Variants in BTBD9 observed in about 807,000 individuals in gnomAD.
BTBD9 encodes the protein BTB/POZ domain-containing protein 9.
In BTBD9, 49 loss-of-function variants were observed where a neutral mutation model predicts 64.3. The observed-to-expected ratio is 0.76, with a 90% CI of 0.61 to 0.97. BTBD9 has a LOEUF of 0.97. BTBD9 is among the 50% of genes least tolerant of loss of function. The probability of loss-of-function intolerance (pLI) is 0.00; values close to 1 mark genes in which losing one functional copy is unlikely to be tolerated. For missense variants in BTBD9, 598 were observed against 762.1 expected, an observed-to-expected ratio of 0.78 and a Z score of 2.53; for synonymous variants, 260 against 274.7, an observed-to-expected ratio of 0.95 and a Z score of 0.53.
At chr6:38,476,999 C>G (rs1456995117) in intron 6 of BTBD9, among the ~76,000 whole-genome samples, 5 of 152,186 alleles carry the variant, frequency 3.3e-5, no homozygotes, top group African/African-American at 9.7e-5. Flanking sequence ...GGGGCCCTGC[C>G]AGTGACATTC....
intron 9 of BTBD9, among the ~76,000 whole-genome samples, chr6:38,232,796 G>A (rs916440872): frequency 6.6e-6 from 1 of 152,012 alleles, no homozygotes; most frequent in Admixed American, 6.6e-5. Flanking sequence ...ACTGCGCCTG[G>A]CTGAGGCCTT....
chr6:38,416,619 C>T (rs1179003772), intron 6 of BTBD9, among the ~76,000 whole-genome samples: 4 of 150,878 alleles, frequency 2.7e-5, no homozygotes, highest in South Asian at 2.1e-4. Flanking sequence ...GCTGGGATTA[C>T]AGGCATGAGC....
chr6:38,230,508 A>G (rs1344433783), intron 9 of BTBD9, among the ~76,000 whole-genome samples: 2 of 151,460 alleles, frequency 1.3e-5, no homozygotes, highest in Admixed American at 6.6e-5. Flanking sequence ...AAAAAAAAAA[A>G]AAAAAAAAAA....
At chr6:38,456,295 G>A (rs1412237783) in intron 6 of BTBD9, among the ~76,000 whole-genome samples, 3 of 152,152 alleles carry the variant, frequency 2.0e-5, no homozygotes, top group African/African-American at 7.2e-5. Context: ...ACTTGTTTTT[G>A]TAAACTATTA....
chr6:38,237,277 C>T (rs2127521586), intron 9 of BTBD9, among the ~76,000 whole-genome samples: 1 of 152,226 alleles, frequency 6.6e-6, no homozygotes, highest in East Asian at 1.9e-4. Flanking sequence ...TTCTTTTCTC[C>T]CTAACTCCAC....
chr6:38,519,409 TG>T (rs1369638668), intron 6 of BTBD9, among the ~76,000 whole-genome samples: 1 of 152,214 alleles, frequency 6.6e-6, no homozygotes, highest in African/African-American at 2.4e-5. Flanking sequence ...CAATTTATTT[TG>T]AAGTGAATTT....
rs564760951 is a variant in BTBD9 at position 38,254,452 on chromosome 6, AAAC to A, written c.1562+1954_1562+1956del. 1.5e-3 allele frequency among the ~76,000 whole-genome samples: 229 copies of A among 150,824 alleles called. 1 individual carries two copies. The highest frequency in any genetic ancestry group is 5.2e-3 in the African/African-American group (213 of 40,680). ...ATATGGTGAGGTGCTGTCTCTACAA[AAAC>A]AAACAAACAAACAAACAAACAAAAA... On this transcript the variant is annotated intron_variant, in intron 9 of 10. Coordinates refer to ENST00000481247, the MANE Select transcript of BTBD9 (RefSeq NM_001099272.2).
intron 6 of BTBD9, among the ~76,000 whole-genome samples, chr6:38,531,455 A>G (rs545798665): frequency 6.6e-6 from 1 of 152,358 alleles, no homozygotes; most frequent in African/African-American, 2.4e-5. Flanking sequence ...AAGTTCTTCA[A>G]TCTGAAAGAA....
At position 38,580,202 on chromosome 6, in the gene BTBD9, C is replaced by A; in HGVS notation, c.1034+16G>T. 6.2e-7 allele frequency: 1 copy of A among 1,606,446 alleles called. No homozygotes were observed. Among genetic ancestry groups the A allele is most frequent in the South Asian group, 1.1e-5 (1 of 90,778 alleles). On this transcript the variant is annotated intron_variant, in intron 5 of 10. Transcript: ENST00000481247. ...TCAAACATAATGTCAGTTTCTAAGT[C>A]ATGCTAATCACTTACCGGCTATCTC...
At chr6:38,593,480 G>A (rs1776900854) in intron 3 of BTBD9, among the ~76,000 whole-genome samples, 1 of 152,098 alleles carries the variant, frequency 6.6e-6, no homozygotes, top group African/African-American at 2.4e-5. Context: ...AGAGTTCAAA[G>A]GAAGATTTGA....
At chr6:38,455,155 A>T (rs1769739071) in intron 6 of BTBD9, among the ~76,000 whole-genome samples, 1 of 152,202 alleles carries the variant, frequency 6.6e-6, no homozygotes. Flanking sequence ...AGATAGTAAA[A>T]GTCCCCCTTT....
intron 6 of BTBD9, among the ~76,000 whole-genome samples, chr6:38,498,508 G>C (rs1419250910): frequency 4.8e-5 from 7 of 146,876 alleles, no homozygotes; most frequent in African/African-American, 1.8e-4. Flanking sequence ...AAGGATGTAA[G>C]AGGAATACTA....
intron 1 of BTBD9, among the ~76,000 whole-genome samples, chr6:38,607,931 A>G (rs1188072394): frequency 6.6e-6 from 1 of 152,134 alleles, no homozygotes; most frequent in Non-Finnish European, 1.5e-5. Flanking sequence ...ATAAATATCA[A>G]ATGACCCAAC....
chr6:38,277,837 G>C (rs986211907), intron 8 of BTBD9, among the ~76,000 whole-genome samples: 5 of 152,078 alleles, frequency 3.3e-5, no homozygotes, highest in African/African-American at 1.2e-4. Flanking sequence ...AAAATAAACA[G>C]AACACATGAA....
chr6:38,490,114 T>A (rs1771637095), intron 6 of BTBD9, among the ~76,000 whole-genome samples: 1 of 152,024 alleles, frequency 6.6e-6, no homozygotes, highest in South Asian at 2.1e-4. Context: ...CCTGCAGAGG[T>A]TCCACTCAGT....
intron 6 of BTBD9, among the ~76,000 whole-genome samples, chr6:38,454,769 C>A (rs1162899606): frequency 6.6e-6 from 1 of 150,716 alleles, no homozygotes; most frequent in Non-Finnish European, 1.5e-5. Context: ...CCACTGTATT[C>A]CAGCCTAGAA....
intron 6 of BTBD9, among the ~76,000 whole-genome samples, chr6:38,474,804 A>C (rs902600676): frequency 2.0e-5 from 3 of 152,140 alleles, no homozygotes; most frequent in Non-Finnish European, 4.4e-5. Flanking sequence ...CATCATGATA[A>C]AAAAAATTAG....
At chr6:38,567,056 A>G (rs1775556126) in intron 6 of BTBD9, among the ~76,000 whole-genome samples, 1 of 152,238 alleles carries the variant, frequency 6.6e-6, no homozygotes, top group South Asian at 2.1e-4. Flanking sequence ...GATTTAAAAG[A>G]AGGAAAAACG....
At chr6:38,192,477 T>A in intron 10 of BTBD9, 42 bp downstream of exon 10, 2 of 1,544,860 alleles carry the variant, frequency 1.3e-6, no homozygotes, top group Non-Finnish European at 1.8e-6. Flanking sequence ...TACCTGTACA[T>A]CATGAAATCT....
Sources: gnomAD v4.1 joint callset for allele counts (sites outside exome capture counted in the v4.1 genomes callset) on GRCh38, gnomAD v4.1.1 for gene constraint, MANE v1.5 for transcripts, NCBI Gene and HGNC (gene_info 2026-07-23, HGNC 2026-07-21) for gene names.